The following ZAP70 variants were observed in gnomAD, a reference collection of about 807,000 sequenced individuals.
ZAP70 encodes the protein tyrosine-protein kinase ZAP-70.
Under a neutral mutation model 65.8 loss-of-function variants are expected in ZAP70, and 27 were observed. That is an observed-to-expected ratio of 0.41 (90% CI 0.30 to 0.57). ZAP70 has a LOEUF of 0.57. Ranked by LOEUF, ZAP70 falls within the 20% of genes least tolerant of loss-of-function variation. The probability of loss-of-function intolerance (pLI) is 0.28; values close to 1 mark genes in which losing one functional copy is unlikely to be tolerated. For synonymous variants in ZAP70, 363 were observed against 360.8 expected, an observed-to-expected ratio of 1.01 and a Z score of -0.07; for missense variants, 696 against 870.5, an observed-to-expected ratio of 0.80 and a Z score of 2.52.
chr2:97,721,580 ATTTTTTTTTTTTTTT>A (rs796509420), intron 2 of ZAP70, among the ~76,000 whole-genome samples: 2 of 81,164 alleles, frequency 2.5e-5, no homozygotes, highest in African/African-American at 9.3e-5. Context: ...TGGCTGGCTG[ATTTTTTTTTTTTTTT>A]TTTTTTTTTT....
intron 2 of ZAP70, among the ~76,000 whole-genome samples, chr2:97,723,334 AG>A (rs1392658069): frequency 2.6e-5 from 4 of 152,222 alleles, no homozygotes; most frequent in Non-Finnish European, 5.9e-5. Context: ...GGGACAAGGG[AG>A]GCTGAGGGGT....
Position 97,734,604 on chromosome 2 carries a change from T to C in ZAP70, c.974T>C (p.Leu325Pro). 1 of 1,614,134 alleles carries C rather than the reference T, an allele frequency of 6.2e-7. No individual in the cohort carries two copies. Reference protein sequence around the residue: ...YESPYSDPEELKDKKLFLKRD... With the variant: ...YESPYSDPEEPKDKKLFLKRD... Reference sequence around the variant, plus strand: ...AGCCCCTACAGCGACCCAGAGGAGCTCAAGGACAAGAAGCTCTTCCTGAAG... The same window carrying C: ...AGCCCCTACAGCGACCCAGAGGAGCCCAAGGACAAGAAGCTCTTCCTGAAG... Residue 325 changes from leucine to proline, a missense_variant, in exon 9 of 14, where the codon CTC (leucine) becomes CCC (proline). Coordinates refer to ENST00000264972, the MANE Select transcript of ZAP70 (RefSeq NM_001079.4).
intron 4 of ZAP70, 117 bp downstream of exon 4, chr2:97,725,369 T>C: frequency 7.8e-7 from 1 of 1,285,120 alleles, no homozygotes; most frequent in East Asian, 2.4e-5. Context: ...TGTGCTCACA[T>C]GTGCAAGTGG....
intron 3 of ZAP70, 157 bp downstream of exon 3, chr2:97,724,595 AAGG>A (rs1359244193): frequency 2.6e-6 from 4 of 1,533,434 alleles, no homozygotes; most frequent in Non-Finnish European, 3.5e-6. Flanking sequence ...AAGAACCTGA[AAGG>A]AGGCCTCAGA....
Position 97,737,077 on chromosome 2 carries a change from CT to C in ZAP70, c.1290-395del, listed in dbSNP as rs957491280. Among the ~76,000 whole-genome samples, 1 of 152,020 alleles carries C rather than the reference CT, an allele frequency of 6.6e-6. No individual in the cohort carries two copies. The highest frequency in any genetic ancestry group is 1.5e-5 in the Non-Finnish European group (1 of 67,982). On this transcript the variant is annotated intron_variant, in intron 10 of 13. Coordinates refer to ENST00000264972, the MANE Select transcript of ZAP70 (RefSeq NM_001079.4). The surrounding 1 kb of genome is among the most constrained non-coding windows in gnomAD (Gnocchi z 5.0). ...CTGACACCAGAACTGCCAGGGTTTG[CT>C]GATGGATTGGGTGTGAGAGAAAGAG... is the stretch of plus-strand genomic sequence containing the variant.
chr2:97,751,263 A>T, the ZAP70 span, among the ~76,000 whole-genome samples: 1 of 152,228 alleles, frequency 6.6e-6, no homozygotes, highest in South Asian at 2.1e-4. Context: ...TGCCTTTTGT[A>T]CAGAAGCTGT....
the ZAP70 span, among the ~76,000 whole-genome samples, chr2:97,750,048 C>G: frequency 6.6e-6 from 1 of 152,222 alleles, no homozygotes; most frequent in Non-Finnish European, 1.5e-5. Context: ...ATGTTTCACA[C>G]CATCCTCCTG....
the ZAP70 span, among the ~76,000 whole-genome samples, chr2:97,745,819 G>A: frequency 2.5e-3 from 388 of 152,352 alleles, 3 homozygotes; most frequent in African/African-American, 8.8e-3. Context: ...ATACACCCCA[G>A]TGAATTGAAA....
intron 2 of ZAP70, among the ~76,000 whole-genome samples, chr2:97,716,690 C>G (rs1428575795): frequency 1.3e-5 from 2 of 152,128 alleles, no homozygotes; most frequent in African/African-American, 4.8e-5. Flanking sequence ...CATGAGGAGG[C>G]CCGTGTGGCT....
rs2104684091 is a variant in ZAP70 at position 97,731,817 on chromosome 2, C to T, written c.564-1066C>T. Reference sequence around the variant, plus strand: ...TTTGCACCTTGGAGGGTGCAGCTCGCAGGCCATCACAAGGGCTCTTCTGTA... The same window carrying T: ...TTTGCACCTTGGAGGGTGCAGCTCGTAGGCCATCACAAGGGCTCTTCTGTA... On this transcript the variant is annotated intron_variant, in intron 4 of 13. Transcript: ENST00000264972. The surrounding 1 kb of genome is among the most constrained non-coding windows in gnomAD (Gnocchi z 4.0). 6.6e-6 allele frequency among the ~76,000 whole-genome samples: 1 copy of T among 152,358 alleles called. No homozygotes were observed. The highest frequency in any genetic ancestry group is 1.5e-5 in the Non-Finnish European group (1 of 68,036).
chr2:97,732,215 G>T (rs997465645), intron 4 of ZAP70, among the ~76,000 whole-genome samples: 7 of 152,184 alleles, frequency 4.6e-5, no homozygotes, highest in Non-Finnish European at 1.0e-4. Context: ...GCAATCGAGG[G>T]TCTCATTCTA....
At chr2:97,726,814 G>C (rs1375068683) in intron 4 of ZAP70, among the ~76,000 whole-genome samples, 1 of 152,268 alleles carries the variant, frequency 6.6e-6, no homozygotes, top group African/African-American at 2.4e-5. Context: ...GAACAGGACA[G>C]GGCTGTTTTC....
Position 97,738,119 on chromosome 2 carries a change from T to C in ZAP70, c.1736+12T>C, listed in dbSNP as rs1340413780. On this transcript the variant is annotated intron_variant, in intron 13 of 13. Coordinates refer to ENST00000264972, the MANE Select transcript of ZAP70 (RefSeq NM_001079.4). ...TGCTGGATCTACAAGTGAGTGCCAG[T>C]GGGGAGGGGACCCGGCTGGGCTGAC... 6.3e-7 allele frequency: 1 copy of C among 1,585,774 alleles called. No homozygotes were observed. Among genetic ancestry groups the C allele is most frequent in the South Asian group, 1.1e-5 (1 of 87,656 alleles).
chr2:97,749,102 C>A, the ZAP70 span, among the ~76,000 whole-genome samples: 1 of 151,516 alleles, frequency 6.6e-6, no homozygotes, highest in African/African-American at 2.4e-5. Flanking sequence ...CTCCGCCTCC[C>A]GGGTTCACGA....
At chr2:97,726,111 G>T (rs1055653716) in intron 4 of ZAP70, among the ~76,000 whole-genome samples, 3 of 152,150 alleles carry the variant, frequency 2.0e-5, no homozygotes, top group Admixed American at 6.5e-5. Context: ...CGTGTGAATC[G>T]AGAGTATGGT....
Position 97,739,485 on chromosome 2 carries a change from C to G in ZAP70, c.1847C>G (p.Ala616Gly). 4 of 1,612,822 alleles carry G rather than the reference C, an allele frequency of 2.5e-6. No individual in the cohort carries two copies. The highest frequency in any genetic ancestry group is 3.4e-6 in the Non-Finnish European group (4 of 1,179,686). Residue 616 changes from alanine (A) to glycine (G), a missense_variant, in exon 14 of 14, where the codon GCT (alanine) becomes GGT (glycine). Around this residue, in one of 3 missense-constraint regions of ZAP70, gnomAD observed 78 missense variants for 88.6 expected, o/e 0.88. Coordinates refer to ENST00000264972, the MANE Select transcript of ZAP70 (RefSeq NM_001079.4). ...GPPGSTQKAE[A>G]ACA ...CCAGGCAGCACACAGAAGGCTGAGGCTGCCTGTGCCTGAGCTCCCGCTGCC... is the reference window on the plus strand; with the variant it reads ...CCAGGCAGCACACAGAAGGCTGAGGGTGCCTGTGCCTGAGCTCCCGCTGCC...
chr2:97,728,610 C>T (rs527635982), intron 4 of ZAP70, among the ~76,000 whole-genome samples: 4 of 152,248 alleles, frequency 2.6e-5, no homozygotes, highest in East Asian at 1.9e-4. Context: ...TCATGGTTGC[C>T]GAAGAACAGA....
At chr2:97,749,004 CTTT>C in the ZAP70 span, among the ~76,000 whole-genome samples, 4 of 114,992 alleles carry the variant, frequency 3.5e-5, no homozygotes, top group Middle Eastern at 6.3e-3. Flanking sequence ...TGACACTTCC[CTTT>C]TTTTTTTTTT....
rs1291985209 is a variant in ZAP70 at position 97,727,523 on chromosome 2, C to T, written c.563+2271C>T. On this transcript the variant is annotated intron_variant, in intron 4 of 13. Coordinates refer to ENST00000264972, the MANE Select transcript of ZAP70 (RefSeq NM_001079.4). ...AAGATGTTAGTAATGTTTGCTCCCA[C>T]GTTCTCACATGCTCATATCCCCCTC... Among the ~76,000 whole-genome samples, 6 of 152,200 alleles carry T rather than the reference C, an allele frequency of 3.9e-5. No homozygotes were observed. In the South Asian group the frequency reaches 8.3e-4, roughly 21 times the overall value.
Sources: allele counts gnomAD v4.1 joint callset (sites outside exome capture counted in the v4.1 genomes callset), GRCh38; gene constraint gnomAD v4.1.1; regional missense constraint gnomAD v4.1.1; non-coding constraint Gnocchi (gnomAD v3.1); transcripts MANE v1.5; gene names NCBI Gene and HGNC (gene_info 2026-07-23, HGNC 2026-07-21).